The following SH3PXD2A variants were observed in gnomAD, a reference collection of about 807,000 sequenced individuals.
SH3PXD2A encodes the protein SH3 and PX domain-containing protein 2A.
Under a neutral mutation model 115.2 loss-of-function variants are expected in SH3PXD2A, and 32 were observed. The ratio of observed to expected loss-of-function variants is 0.28; its 90% CI spans 0.21 to 0.37. The LOEUF (loss-of-function observed/expected upper bound fraction) is 0.37. SH3PXD2A is among the 10% of genes least tolerant of loss of function. The pLI is 1.00. For synonymous variants in SH3PXD2A, 610 were observed against 629.1 expected (o/e 0.97, Z 0.45); for missense variants, 1,328 against 1,498.7 (o/e 0.89, Z 1.88).
chr10:103,687,255 T>C (rs950063678), intron 6 of SH3PXD2A, among the ~76,000 whole-genome samples: 2 of 152,118 alleles, frequency 1.3e-5, no homozygotes, highest in Non-Finnish European at 2.9e-5. Context: ...TGCCATAGGA[T>C]TTCAGACTTA....
In SH3PXD2A at chr10:103,835,842, C is replaced by T. The variant is rs1000076844; in HGVS notation, c.72+19353G>A. 2.6e-5 allele frequency among the ~76,000 whole-genome samples: 4 copies of T among 152,328 alleles called. No individual in the cohort carries two copies. In the South Asian group the frequency reaches 6.2e-4, roughly 24 times the overall value. On this transcript the variant is annotated intron_variant, in intron 1 of 14. Coordinates refer to ENST00000369774, the MANE Select transcript of SH3PXD2A (RefSeq NM_001394015.1). ...CTGCTCCCTATACTTCCTCCTTGGC[C>T]TTCACTGAAGCCAGAAATCACGTTT...
intron 8 of SH3PXD2A, among the ~76,000 whole-genome samples, chr10:103,647,076 G>A (rs1033260556): frequency 3.9e-5 from 6 of 152,020 alleles, no homozygotes; most frequent in Non-Finnish European, 8.8e-5. Flanking sequence ...TGGAGGTAGG[G>A]GATTATTTTG....
intron 10 of SH3PXD2A, 39 bp downstream of exon 10, chr10:103,622,431 G>T: frequency 1.5e-6 from 2 of 1,317,100 alleles, no homozygotes; most frequent in East Asian, 2.5e-5. Flanking sequence ...AGAGACAGGC[G>T]GTCGCTGCGA....
At chr10:103,741,215 C>T (rs1462750239) in intron 3 of SH3PXD2A, among the ~76,000 whole-genome samples, 1 of 152,134 alleles carries the variant, frequency 6.6e-6, no homozygotes, top group Admixed American at 6.5e-5. Flanking sequence ...ACAGCCAAGG[C>T]CCTGGGGCAG....
At chr10:103,707,416 C>T (rs992140161) in intron 5 of SH3PXD2A, among the ~76,000 whole-genome samples, 5 of 152,078 alleles carry the variant, frequency 3.3e-5, no homozygotes, top group Admixed American at 1.3e-4. Context: ...AGGCTGGTCT[C>T]GAACTCCTGA....
intron 8 of SH3PXD2A, among the ~76,000 whole-genome samples, chr10:103,645,470 G>A (rs2037022527): frequency 6.6e-6 from 1 of 152,184 alleles, no homozygotes; most frequent in Non-Finnish European, 1.5e-5. Flanking sequence ...GTTGCTTGTT[G>A]CATAATTTGC....
At chr10:103,751,374 C>G (rs1414679836) in intron 3 of SH3PXD2A, among the ~76,000 whole-genome samples, 1 of 152,202 alleles carries the variant, frequency 6.6e-6, no homozygotes, top group Admixed American at 6.5e-5. Context: ...GTGCCAGACA[C>G]TATTTTAAGC....
Position 103,597,847 on chromosome 10 carries a change from A to G in SH3PXD2A, c.*3969T>C, listed in dbSNP as rs1283458386. On this transcript the variant is annotated 3_prime_UTR_variant, in exon 15 of 15. Coordinates refer to ENST00000369774, the MANE Select transcript of SH3PXD2A (RefSeq NM_001394015.1). ...AAGTGAGTAACCTTAAAGAAATAAT[A>G]TATTAGTTAAATACAATAACAGGAA... 1.3e-5 allele frequency: 2 copies of G among 152,594 alleles called. No individual in the cohort carries two copies. The highest frequency in any genetic ancestry group is 2.4e-5 in the African/African-American group (1 of 41,414). 9.5% of individuals were successfully genotyped at this position (152,594 alleles called of 1,614,324 possible). A position where few individuals can be genotyped will look rare whatever the true frequency, so the allele number is the denominator to read the frequency against.
At position 103,661,031 on chromosome 10, in the gene SH3PXD2A, T is replaced by C; in HGVS notation, c.556A>G (p.Ser186Gly). Reference protein sequence around the residue: ...NYKKQENSELSLQAGEVVDVI... With the variant: ...NYKKQENSELGLQAGEVVDVI... ...TCCACCACCTCCCCGGCCTGGAGGC[T>C]CAGCTCCGAGTTCTCCTGCTTCTTA... is the stretch of plus-strand genomic sequence containing the variant. The change falls in exon 8 of 15, where the codon AGC becomes GGC. Residue 186 changes from serine (S) to glycine (G), a missense_variant. Ser to Gly is a moderately conservative substitution (Grantham distance 56). This residue lies in a region of SH3PXD2A where 509 missense variants were observed against 628.3 expected (regional missense o/e 0.81). Transcript: ENST00000369774. The C allele has an allele frequency of 6.2e-7, 1 of 1,614,114 alleles. No homozygotes were observed.
chr10:103,847,601 A>C (rs1842859054), intron 1 of SH3PXD2A, among the ~76,000 whole-genome samples: 1 of 152,168 alleles, frequency 6.6e-6, no homozygotes, highest in African/African-American at 2.4e-5. Flanking sequence ...CTGGGATTAC[A>C]GTCATGAGCC....
chr10:103,728,875 T>TG lies in SH3PXD2A; in HGVS notation c.307-4515dup, dbSNP rs545769487. ...TCACAGCTAGTAAGTAGCAAAGAGT[T>TG]GTTTTTTTTGTTTGTTTGTTTGTTT... On this transcript the variant is annotated intron_variant, in intron 4 of 14. Coordinates refer to ENST00000369774, the MANE Select transcript of SH3PXD2A (RefSeq NM_001394015.1). Among the ~76,000 whole-genome samples the TG allele has an allele frequency of 1.5e-4, 20 of 134,646 alleles. 1 individual carries two copies. The highest frequency in any genetic ancestry group is 1.1e-3 in the Admixed American group (16 of 14,178). The allele number at this position is 134,646 out of a possible 152,430, so 88.3% of individuals were successfully genotyped here. A position where few individuals can be genotyped will look rare whatever the true frequency, so the allele number is the denominator to read the frequency against.
chr10:103,824,754 A>G (rs1262192863), intron 1 of SH3PXD2A, among the ~76,000 whole-genome samples: 1 of 152,118 alleles, frequency 6.6e-6, no homozygotes, highest in Non-Finnish European at 1.5e-5. Context: ...ACCTGTGTAG[A>G]CCAGGTGTAG....
chr10:103,768,308 T>C (rs1189099789), intron 2 of SH3PXD2A, among the ~76,000 whole-genome samples: 3 of 152,200 alleles, frequency 2.0e-5, no homozygotes, highest in Non-Finnish European at 2.9e-5. Context: ...TCATTTTATA[T>C]AGGGCGGCAA....
intron 5 of SH3PXD2A, among the ~76,000 whole-genome samples, chr10:103,701,472 TCCATCCA>T: frequency 7.2e-6 from 1 of 139,076 alleles, no homozygotes; most frequent in East Asian, 2.4e-4. Context: ...CCATCCATCA[TCCATCCA>T]TCATCCATCC....
chr10:103,818,616 T>C lies in SH3PXD2A; in HGVS notation c.73-17254A>G, dbSNP rs143871822. ...CCCAATCATGCGGCAAAACGGGGAATGCCATCAGCTCCTGTTTGGCCTCCA... is the reference window on the plus strand; with the variant it reads ...CCCAATCATGCGGCAAAACGGGGAACGCCATCAGCTCCTGTTTGGCCTCCA... On this transcript the variant is annotated intron_variant, in intron 1 of 14. Transcript: ENST00000369774. Among the ~76,000 whole-genome samples, 787 of 152,306 alleles carry C rather than the reference T, an allele frequency of 5.2e-3. 2 individuals carry two copies. Among genetic ancestry groups the C allele is most frequent in the African/African-American group, 0.015 (616 of 41,564 alleles).
At chr10:103,790,081 CCCCTCCCT>C (rs1010817804) in intron 2 of SH3PXD2A, among the ~76,000 whole-genome samples, 8 of 152,186 alleles carry the variant, frequency 5.3e-5, no homozygotes, top group African/African-American at 1.9e-4. Context: ...TGGTTCCCCA[CCCCTCCCT>C]CCAGGCACAC....
intron 4 of SH3PXD2A, among the ~76,000 whole-genome samples, chr10:103,725,836 TATAA>T (rs956482109): frequency 6.6e-6 from 1 of 150,816 alleles, no homozygotes; most frequent in African/African-American, 2.4e-5. Context: ...CTCAAAAAAA[TATAA>T]ATAAATAAAA....
chr10:103,795,022 G>A (rs1280756383), intron 2 of SH3PXD2A, among the ~76,000 whole-genome samples: 3 of 152,140 alleles, frequency 2.0e-5, no homozygotes, highest in African/African-American at 7.2e-5. Flanking sequence ...TGGCCAGAAA[G>A]CCAGCTCAAG....
chr10:103,664,145 T>C (rs1389118021), intron 7 of SH3PXD2A, among the ~76,000 whole-genome samples: 70 of 152,322 alleles, frequency 4.6e-4, no homozygotes, highest in Admixed American at 4.6e-3. Flanking sequence ...ACAGCACTTC[T>C]TAAGCGCACC....
Sources: allele counts gnomAD v4.1 joint callset (sites outside exome capture counted in the v4.1 genomes callset), GRCh38; gene constraint gnomAD v4.1.1; regional missense constraint gnomAD v4.1.1; transcripts MANE v1.5; gene names NCBI Gene and HGNC (gene_info 2026-07-23, HGNC 2026-07-21).